The following ERI3 variants were observed in gnomAD, a reference collection of about 807,000 sequenced individuals.
ERI3 encodes ERI1 exoribonuclease 3.
In ERI3, 18 loss-of-function variants were observed where a neutral mutation model predicts 44.4. That is an observed-to-expected ratio of 0.41 (90% CI 0.28 to 0.60). The LOEUF (loss-of-function observed/expected upper bound fraction) is 0.60, where lower values mean the gene tolerates loss of function less well. Ranked by LOEUF, ERI3 falls within the 20% of genes least tolerant of loss-of-function variation. The probability of loss-of-function intolerance (pLI) is 0.36; values close to 1 mark genes in which losing one functional copy is unlikely to be tolerated. For synonymous variants in ERI3, 183 were observed against 164.8 expected (o/e 1.11, Z -0.84); for missense variants, 294 against 435.5 (o/e 0.68, Z 2.89).
At chr1:44,339,358 AG>A (rs774411080) in intron 2 of ERI3, 36 bp from the exon 3 acceptor site, 60 of 1,423,216 alleles carry the variant, frequency 4.2e-5, no homozygotes, top group Admixed American at 1.2e-4. Context: ...AAAAAAAAAA[AG>A]AAAAGAAAGA....
Position 44,273,861 on chromosome 1 carries a change from C to T in ERI3, c.831+10974G>A, listed in dbSNP as rs74070457. The stretch of plus-strand genomic sequence containing the variant: ...ACAGTATATGTAAGGGGAGGTGAGA[C>T]AGTCATGTATATTTGAAAAACAACA... On this transcript the variant is annotated intron_variant, in intron 7 of 8. Transcript: ENST00000372257. Among the ~76,000 whole-genome samples the T allele has an allele frequency of 5.5e-3, 842 of 152,236 alleles. 10 individuals are homozygous for T. The highest frequency in any genetic ancestry group is 0.019 in the African/African-American group (802 of 41,528).
At chr1:44,226,935 TA>T (rs1397817962) in intron 8 of ERI3, among the ~76,000 whole-genome samples, 1 of 152,148 alleles carries the variant, frequency 6.6e-6, no homozygotes, top group East Asian at 1.9e-4. Context: ...TTCCCCCTAA[TA>T]GCCAATTGTC....
At chr1:44,231,149 G>C (rs1167791855) in intron 8 of ERI3, among the ~76,000 whole-genome samples, 1 of 152,138 alleles carries the variant, frequency 6.6e-6, no homozygotes, top group African/African-American at 2.4e-5. Context: ...ATAAAACAAA[G>C]TTTTGACGGC....
At chr1:44,294,931 C>T (rs1042309598) in intron 6 of ERI3, among the ~76,000 whole-genome samples, 1 of 152,234 alleles carries the variant, frequency 6.6e-6, no homozygotes, top group African/African-American at 2.4e-5. Flanking sequence ...AGGCATCCTC[C>T]TAGCGTTCAG....
chr1:44,247,022 T>A (rs1164459767), intron 8 of ERI3, among the ~76,000 whole-genome samples: 1 of 152,174 alleles, frequency 6.6e-6, no homozygotes, highest in Admixed American at 6.5e-5. Flanking sequence ...CCTGAGAGCA[T>A]CTGCATGCAC....
At chr1:44,233,238 A>G (rs1453394870) in intron 8 of ERI3, among the ~76,000 whole-genome samples, 1 of 151,916 alleles carries the variant, frequency 6.6e-6, no homozygotes, top group Non-Finnish European at 1.5e-5. Flanking sequence ...AAGTTTCTCT[A>G]CTTTCCACAA....
rs983051573 is a variant in ERI3, at chr1:44,228,827, C to G, written c.932-7187G>C. Among the ~76,000 whole-genome samples, 1 of 152,222 alleles carries G rather than the reference C, an allele frequency of 6.6e-6. No individual in the cohort carries two copies. Among genetic ancestry groups the G allele is most frequent in the Non-Finnish European group, 1.5e-5 (1 of 68,042 alleles). On this transcript the variant is annotated intron_variant, in intron 8 of 8. Transcript: ENST00000372257. The surrounding 1 kb of genome is among the most constrained non-coding windows in gnomAD (Gnocchi z 4.3). ...GTGCATTTGGCCACCAGGAACTCAACTCAGATTTGGCGAGGCAAAGGACAT... is the reference window on the plus strand; with the variant it reads ...GTGCATTTGGCCACCAGGAACTCAAGTCAGATTTGGCGAGGCAAAGGACAT...
chr1:44,258,912 C>T (rs1644831366), intron 7 of ERI3, among the ~76,000 whole-genome samples: 1 of 152,172 alleles, frequency 6.6e-6, no homozygotes. Context: ...AGAGCTAAGG[C>T]CCAAAGAACC....
intron 7 of ERI3, among the ~76,000 whole-genome samples, chr1:44,266,742 T>C (rs1467681446): frequency 1.3e-5 from 2 of 152,242 alleles, no homozygotes; most frequent in African/African-American, 2.4e-5. Context: ...GACACACATT[T>C]ATTGAATACC....
At chr1:44,229,020 G>A (rs1423268351) in intron 8 of ERI3, among the ~76,000 whole-genome samples, 1 of 152,202 alleles carries the variant, frequency 6.6e-6, no homozygotes, top group East Asian at 1.9e-4. Flanking sequence ...AATCCCACCT[G>A]CTGGCTCCAG....
intron 7 of ERI3, among the ~76,000 whole-genome samples, chr1:44,280,587 T>C (rs1306342566): frequency 2.6e-5 from 4 of 152,320 alleles, no homozygotes; most frequent in South Asian, 4.1e-4. Flanking sequence ...GGGCTGGGGA[T>C]GCTACAAGTT....
chr1:44,338,259 AG>A (rs1313460194), intron 3 of ERI3, among the ~76,000 whole-genome samples: 1 of 152,216 alleles, frequency 6.6e-6, no homozygotes, highest in Non-Finnish European at 1.5e-5. Flanking sequence ...TATCCCTCAC[AG>A]TTCCTGTGAG....
intron 6 of ERI3, among the ~76,000 whole-genome samples, chr1:44,306,616 C>G (rs183682674): frequency 9.8e-5 from 15 of 152,356 alleles, no homozygotes; most frequent in Admixed American, 9.1e-4. Context: ...CCCTCTCCAT[C>G]TCATGGGGAG....
rs1045121341 is a variant in ERI3 at position 44,339,163 on chromosome 1, G to A, written c.371C>T (p.Ala124Val). The A allele has an allele frequency of 5.0e-6, 8 of 1,613,838 alleles. No homozygotes were observed. Among genetic ancestry groups the A allele is most frequent in the Non-Finnish European group, 6.8e-6 (8 of 1,179,976 alleles). The change falls in exon 3 of 9, where the codon GCG becomes GTG. Residue 124 changes from alanine to valine, a missense_variant. Ala to Val is a moderately conservative substitution (Grantham distance 64). This residue lies in a region of ERI3 where 187 missense variants were observed against 338.6 expected (regional missense o/e 0.55). Coordinates refer to ENST00000372257, the MANE Select transcript of ERI3 (RefSeq NM_024066.3). ...EFCSISTRKL[A>V]AHGFGASMAA... The stretch of plus-strand genomic sequence containing the variant: ...CATGGATGCGCCAAAGCCGTGGGCC[G>A]CCAGCTTTCTGGTGGATATGGAGCA...
At chr1:44,320,519 G>A (rs562068437) in intron 3 of ERI3, among the ~76,000 whole-genome samples, 337 of 152,320 alleles carry the variant, frequency 2.2e-3, no homozygotes, top group African/African-American at 7.5e-3. Context: ...TGTGCAGCAC[G>A]CCTCATACAT....
chr1:44,299,239 G>C (rs533235750), intron 6 of ERI3, among the ~76,000 whole-genome samples: 39 of 152,044 alleles, frequency 2.6e-4, no homozygotes, highest in African/African-American at 9.4e-4. Flanking sequence ...CTGGAGTACA[G>C]TGGCACAATC....
At chr1:44,319,870 G>T in intron 3 of ERI3, 126 bp from the exon 4 acceptor site, 2 of 706,078 alleles carry the variant, frequency 2.8e-6, no homozygotes, top group Non-Finnish European at 4.9e-6. Flanking sequence ...ATTAGCTCCT[G>T]CCAGGCCAAA....
chr1:44,318,769 T>C (rs1288799463), intron 4 of ERI3, among the ~76,000 whole-genome samples: 1 of 152,244 alleles, frequency 6.6e-6, no homozygotes, highest in Non-Finnish European at 1.5e-5. Flanking sequence ...GGTCTCTAAA[T>C]GAAGGCACAA....
At chr1:44,304,354 C>A (rs1645790343) in intron 6 of ERI3, among the ~76,000 whole-genome samples, 1 of 151,972 alleles carries the variant, frequency 6.6e-6, no homozygotes, top group Non-Finnish European at 1.5e-5. Flanking sequence ...CAAAGAAACA[C>A]CACTATTTAA....
Sources: allele counts gnomAD v4.1 joint callset (sites outside exome capture counted in the v4.1 genomes callset), GRCh38; gene constraint gnomAD v4.1.1; regional missense constraint gnomAD v4.1.1; non-coding constraint Gnocchi (gnomAD v3.1); transcripts MANE v1.5; gene names NCBI Gene and HGNC (gene_info 2026-07-23, HGNC 2026-07-21).